Variants in DYNC1I1 observed in about 807,000 individuals in gnomAD.
DYNC1I1 encodes the protein cytoplasmic dynein 1 intermediate chain 1.
Under a neutral mutation model 86.6 loss-of-function variants are expected in DYNC1I1, and 43 were observed. That is an observed-to-expected ratio of 0.50 (90% confidence interval 0.39 to 0.64). The LOEUF (loss-of-function observed/expected upper bound fraction) is 0.64. DYNC1I1 is among the 30% of genes least tolerant of loss of function. The pLI is 0.00. For synonymous variants in DYNC1I1, 262 were observed against 283.7 expected (o/e 0.92, Z 0.77); for missense variants, 604 against 788.8 (o/e 0.77, Z 2.81).
intron 11 of DYNC1I1, among the ~76,000 whole-genome samples, chr7:96,031,613 A>G (rs759637596): frequency 1.3e-5 from 2 of 152,238 alleles, no homozygotes; most frequent in African/African-American, 2.4e-5. Context: ...CCTTCTGACC[A>G]GCAGTTTATA....
At chr7:96,034,497 T>C (rs73399020) in intron 12 of DYNC1I1, among the ~76,000 whole-genome samples, 1,535 of 152,302 alleles carry the variant, frequency 0.01, 28 homozygotes, top group African/African-American at 0.035. Flanking sequence ...ATGGCTTCCA[T>C]GGATGGCAGG....
intron 14 of DYNC1I1, among the ~76,000 whole-genome samples, chr7:96,065,127 C>A (rs1789928091): frequency 6.6e-6 from 1 of 152,162 alleles, no homozygotes; most frequent in Non-Finnish European, 1.5e-5. Context: ...CCTCAACCAA[C>A]CATATTAATC....
chr7:96,023,820 T>A (rs1328728913), intron 10 of DYNC1I1, among the ~76,000 whole-genome samples: 3 of 152,158 alleles, frequency 2.0e-5, no homozygotes, highest in African/African-American at 7.2e-5. Context: ...AACAAACTGT[T>A]TTCTCAGGAG....
chr7:95,997,951 A>G (rs1189784439), intron 10 of DYNC1I1, among the ~76,000 whole-genome samples: 1 of 152,204 alleles, frequency 6.6e-6, no homozygotes, highest in African/African-American at 2.4e-5. Context: ...GGGAGACAAA[A>G]TCAGGAAACT....
chr7:95,874,959 A>G (rs1042002983), intron 6 of DYNC1I1, among the ~76,000 whole-genome samples: 2 of 152,242 alleles, frequency 1.3e-5, no homozygotes, highest in African/African-American at 4.8e-5. Context: ...ACTTCCGGTC[A>G]CTGGATACTC....
At chr7:95,865,353 G>C (rs1374494801) in intron 5 of DYNC1I1, among the ~76,000 whole-genome samples, 1 of 152,068 alleles carries the variant, frequency 6.6e-6, no homozygotes, top group Non-Finnish European at 1.5e-5. Context: ...GTGTCAACCA[G>C]GACATACATA....
Position 95,984,891 on chromosome 7 carries a change from G to C in DYNC1I1, c.657G>C (p.Arg219=). 1 of 1,613,482 alleles carries C rather than the reference G, an allele frequency of 6.2e-7. No individual in the cohort carries two copies. The highest frequency in any genetic ancestry group is 8.5e-7 in the Non-Finnish European group (1 of 1,179,672). Reference sequence around the variant, plus strand: ...AGGAATTTCTCATCTTTTTTGACCGGACAATACGGGTAATTGAAAGAGCCC... The same window carrying C: ...AGGAATTTCTCATCTTTTTTGACCGCACAATACGGGTAATTGAAAGAGCCC... The part of the protein sequence containing the change: ...HSEEFLIFFD[R]TIRVIERALA... Residue 219 remains arginine, a synonymous_variant, in exon 8 of 17, where the codon CGG becomes CGC. Coordinates refer to ENST00000447467, the MANE Select transcript of DYNC1I1 (RefSeq NM_001135556.2).
At chr7:96,051,306 G>T (rs1186879310) in intron 14 of DYNC1I1, among the ~76,000 whole-genome samples, 1 of 151,938 alleles carries the variant, frequency 6.6e-6, no homozygotes, top group Non-Finnish European at 1.5e-5. Flanking sequence ...GACTTCAATG[G>T]GCTTATGTTT....
At chr7:95,908,906 C>A (rs1423930480) in intron 6 of DYNC1I1, among the ~76,000 whole-genome samples, 2 of 151,842 alleles carry the variant, frequency 1.3e-5, no homozygotes, top group Non-Finnish European at 2.9e-5. Context: ...ACTTTTAAGA[C>A]AAAACATAAA....
chr7:95,976,614 C>A (rs1554424436), intron 6 of DYNC1I1, among the ~76,000 whole-genome samples: 1 of 152,174 alleles, frequency 6.6e-6, no homozygotes, highest in Non-Finnish European at 1.5e-5. Context: ...TTCTTTTCAA[C>A]TCTCTTTGAA....
intron 14 of DYNC1I1, among the ~76,000 whole-genome samples, chr7:96,045,633 A>G (rs1789187506): frequency 6.6e-6 from 1 of 152,198 alleles, no homozygotes. Context: ...CATGATAATG[A>G]ACAGCTTCTA....
In DYNC1I1 at chr7:95,881,117, A is replaced by G. The variant is rs76048307; in HGVS notation, c.490+11119A>G. Among the ~76,000 whole-genome samples the G allele has an allele frequency of 3.3e-3, 502 of 152,310 alleles. 6 individuals carry two copies. Among genetic ancestry groups the G allele is most frequent in the African/African-American group, 0.012 (481 of 41,582 alleles). ...GTTAATGACCATAGGTAATTACACA[A>G]GAAAGAGTAACTTAGGCAGAAGGGA... is the stretch of plus-strand genomic sequence containing the variant. On this transcript the variant is annotated intron_variant, in intron 6 of 16. Transcript: ENST00000447467.
At chr7:95,773,765 A>G (rs758936563) in intron 1 of DYNC1I1, among the ~76,000 whole-genome samples, 4 of 152,214 alleles carry the variant, frequency 2.6e-5, no homozygotes, top group Non-Finnish European at 5.9e-5. Flanking sequence ...AGCAAAAAGT[A>G]TAGCTAACAG....
intron 7 of DYNC1I1, 75 bp downstream of exon 7, chr7:95,977,676 T>A: frequency 7.4e-7 from 1 of 1,358,276 alleles, no homozygotes; most frequent in South Asian, 1.5e-5. Flanking sequence ...TAAGAGACTA[T>A]AGAGCTAAGT....
At chr7:95,833,299 TGA>T (rs1788972779) in intron 5 of DYNC1I1, among the ~76,000 whole-genome samples, 1 of 148,434 alleles carries the variant, frequency 6.7e-6, no homozygotes, top group South Asian at 2.2e-4. Context: ...GCATTATTTC[TGA>T]GGGCTCTGTT....
At chr7:96,008,899 C>G (rs1177018972) in intron 10 of DYNC1I1, among the ~76,000 whole-genome samples, 2 of 152,100 alleles carry the variant, frequency 1.3e-5, no homozygotes, top group Non-Finnish European at 1.5e-5. Context: ...ATTTTCTGCT[C>G]AGAGGGTCAT....
chr7:96,027,995 G>A (rs575371110), intron 10 of DYNC1I1, among the ~76,000 whole-genome samples, 180 bp from the exon 11 acceptor site: 24 of 152,292 alleles, frequency 1.6e-4, no homozygotes, highest in African/African-American at 4.8e-4. Flanking sequence ...TCCAAAGAAA[G>A]TCCTGTGCCT....
intron 5 of DYNC1I1, among the ~76,000 whole-genome samples, chr7:95,836,039 C>T (rs1001898422): frequency 2.6e-5 from 4 of 152,160 alleles, no homozygotes; most frequent in East Asian, 3.9e-4. Context: ...TTGTTTTGCT[C>T]GTTAGTTGAT....
At chr7:95,802,952 C>T (rs1224133411) in intron 1 of DYNC1I1, among the ~76,000 whole-genome samples, 1 of 152,156 alleles carries the variant, frequency 6.6e-6, no homozygotes, top group East Asian at 1.9e-4. Flanking sequence ...TACCCAGTCC[C>T]AATTTTACCT....
Sources: gnomAD v4.1 joint callset for allele counts (sites outside exome capture counted in the v4.1 genomes callset) on GRCh38, gnomAD v4.1.1 for gene constraint, MANE v1.5 for transcripts, NCBI Gene and HGNC (gene_info 2026-07-23, HGNC 2026-07-21) for gene names.